PITPNC1: variants seen among roughly 807,000 people sequenced by gnomAD.
PITPNC1 encodes the protein phosphatidylinositol transfer protein cytoplasmic 1, also known as cytoplasmic phosphatidylinositol transfer protein 1.
Under a neutral mutation model 44.7 loss-of-function variants are expected in PITPNC1, and 18 were observed. The observed-to-expected ratio is 0.40, with a 90% CI of 0.28 to 0.60. The LOEUF is 0.60. Among genes scored for constraint, PITPNC1 ranks in the 20% least tolerant of loss-of-function variants. PITPNC1 has a pLI of 0.39. For missense variants in PITPNC1, 290 were observed against 418.4 expected (o/e 0.69, Z 2.68); for synonymous variants, 141 against 149.6 (o/e 0.94, Z 0.42).
intron 5 of PITPNC1, among the ~76,000 whole-genome samples, chr17:67,590,112 A>G (rs2041371101): frequency 6.6e-6 from 1 of 152,208 alleles, no homozygotes; most frequent in Non-Finnish European, 1.5e-5. Flanking sequence ...CTGGGAGTAT[A>G]CCTTTTTGAA....
At chr17:67,440,710 GA>G (rs1254431095) in intron 1 of PITPNC1, among the ~76,000 whole-genome samples, 10 of 148,548 alleles carry the variant, frequency 6.7e-5, no homozygotes, top group African/African-American at 1.2e-4. Flanking sequence ...TTTTTTTTTT[GA>G]AAAAAAATTT....
chr17:67,618,781 G>A (rs1450190944), intron 5 of PITPNC1, among the ~76,000 whole-genome samples: 12 of 151,540 alleles, frequency 7.9e-5, no homozygotes, highest in African/African-American at 1.5e-4. Context: ...AACACTGGCC[G>A]GGCGCGGTGG....
At chr17:67,428,893 T>C (rs1327001969) in intron 1 of PITPNC1, among the ~76,000 whole-genome samples, 3 of 130,468 alleles carry the variant, frequency 2.3e-5, no homozygotes, top group African/African-American at 8.6e-5. Context: ...CAGGCTAAAG[T>C]GCAGTGGTGT....
intron 5 of PITPNC1, among the ~76,000 whole-genome samples, chr17:67,583,304 T>C (rs1192216251): frequency 6.6e-6 from 1 of 152,046 alleles, no homozygotes; most frequent in Non-Finnish European, 1.5e-5. Context: ...TAAAATCACC[T>C]GGGCCAGGCG....
chr17:67,396,906 C>A (rs148629525), intron 1 of PITPNC1, among the ~76,000 whole-genome samples: 4,839 of 152,276 alleles, frequency 0.032, 250 homozygotes, highest in African/African-American at 0.11. Context: ...CCTCCTGCCT[C>A]ATCCTCCCAA....
In PITPNC1 at chr17:67,508,004, C is replaced by T. The variant is rs770044281; in HGVS notation, c.49-24798C>T. Among the ~76,000 whole-genome samples, 31 of 152,150 alleles carry T rather than the reference C, an allele frequency of 2.0e-4. No individual in the cohort carries two copies. Among genetic ancestry groups the T allele is most frequent in the Admixed American group, 3.3e-4 (5 of 15,272 alleles). On this transcript the variant is annotated intron_variant, in intron 1 of 8. Transcript: ENST00000581322. This position sits in a 1 kb window ranked among gnomAD's most constrained non-coding sequence, Gnocchi z 4.2. ...CATGTCCAGGCCACCTAGTTGTCCCCGGAATCCTTAACCTCACAGGAAGTT... is the reference window on the plus strand; with the variant it reads ...CATGTCCAGGCCACCTAGTTGTCCCTGGAATCCTTAACCTCACAGGAAGTT...
At chr17:67,481,940 G>A (rs1402301410) in intron 1 of PITPNC1, among the ~76,000 whole-genome samples, 1 of 152,188 alleles carries the variant, frequency 6.6e-6, no homozygotes, top group Non-Finnish European at 1.5e-5. Context: ...CATGGAATAA[G>A]GCTTAGATAA....
At chr17:67,460,921 TA>T (rs1337605636) in intron 1 of PITPNC1, among the ~76,000 whole-genome samples, 1 of 151,396 alleles carries the variant, frequency 6.6e-6, no homozygotes, top group Admixed American at 6.6e-5. Flanking sequence ...TTTATATTTT[TA>T]GTAGAGATGA....
chr17:67,569,115 G>GA (rs1281630472), intron 4 of PITPNC1, among the ~76,000 whole-genome samples: 3 of 143,800 alleles, frequency 2.1e-5, no homozygotes, highest in Non-Finnish European at 4.6e-5. Flanking sequence ...AGAAATAAGG[G>GA]CTGCCAGCAC....
At chr17:67,423,133 G>GT (rs2038695580) in intron 1 of PITPNC1, among the ~76,000 whole-genome samples, 1 of 152,296 alleles carries the variant, frequency 6.6e-6, no homozygotes, top group South Asian at 2.1e-4. Flanking sequence ...GGGAGTGTGA[G>GT]TCAGCACGTC....
At chr17:67,481,290 C>T (rs910126721) in intron 1 of PITPNC1, among the ~76,000 whole-genome samples, 13 of 152,342 alleles carry the variant, frequency 8.5e-5, no homozygotes, top group African/African-American at 3.1e-4. Context: ...CTTGCCGTCT[C>T]AAGGCCCTGG....
chr17:67,435,469 C>T (rs941594025), intron 1 of PITPNC1, among the ~76,000 whole-genome samples: 7 of 152,196 alleles, frequency 4.6e-5, no homozygotes, highest in Non-Finnish European at 7.3e-5. Context: ...GATGCAGGGA[C>T]ATAGCCACCA....
At chr17:67,559,045 G>T (rs938387507) in intron 4 of PITPNC1, among the ~76,000 whole-genome samples, 1 of 152,182 alleles carries the variant, frequency 6.6e-6, no homozygotes, top group African/African-American at 2.4e-5. Context: ...ATCTGGGATA[G>T]GAATTGCCCT....
rs73342228 is a variant in PITPNC1 at position 67,675,918 on chromosome 17, C to G, written c.682+376C>G. On this transcript the variant is annotated intron_variant, in intron 8 of 8. Transcript: ENST00000581322. The stretch of plus-strand genomic sequence containing the variant: ...CTTTGATTCAGACAACATTTGAAAC[C>G]ACCCCTTGCCGGGCGCAGTGGCTCA... Among the ~76,000 whole-genome samples, 901 of 152,252 alleles carry G rather than the reference C, an allele frequency of 5.9e-3. 12 individuals are homozygous for G. Among genetic ancestry groups the G allele is most frequent in the African/African-American group, 0.021 (862 of 41,558 alleles).
intron 1 of PITPNC1, among the ~76,000 whole-genome samples, chr17:67,395,958 T>G (rs2038214171): frequency 1.3e-5 from 2 of 152,232 alleles, no homozygotes; most frequent in South Asian, 2.1e-4. Flanking sequence ...AAGCATCATG[T>G]TCAAAATGAA....
At chr17:67,532,653 G>A (rs1348832292) in intron 1 of PITPNC1, 149 bp from the exon 2 acceptor site, 16 of 547,118 alleles carry the variant, frequency 2.9e-5, no homozygotes, top group South Asian at 8.7e-5. Flanking sequence ...CCTAGCTCCC[G>A]AGGAAAAGTA....
chr17:67,570,420 TG>T (rs2041037368), intron 4 of PITPNC1, among the ~76,000 whole-genome samples: 1 of 152,190 alleles, frequency 6.6e-6, no homozygotes, highest in African/African-American at 2.4e-5. Flanking sequence ...CTGCCTTCCT[TG>T]CCATGGGAAG....
rs1020246752 is a variant in PITPNC1 at position 67,676,772 on chromosome 17, T to C, written c.682+1230T>C. Among the ~76,000 whole-genome samples, 2 of 152,180 alleles carry C rather than the reference T, an allele frequency of 1.3e-5. No individual in the cohort carries two copies. The highest frequency in any genetic ancestry group is 4.8e-5 in the African/African-American group (2 of 41,458). ...TCATTATTATTAATATTGTTAGCTA[T>C]TTCTGAGCCACATTTAAAAGGCATG... On this transcript the variant is annotated intron_variant, in intron 8 of 8. Coordinates refer to ENST00000581322, the MANE Select transcript of PITPNC1 (RefSeq NM_012417.4). This position sits in a 1 kb window ranked among gnomAD's most constrained non-coding sequence, Gnocchi z 4.0.
rs530704384 is a variant in PITPNC1 at position 67,649,411 on chromosome 17, G to A, written c.462+17173G>A. On this transcript the variant is annotated intron_variant, in intron 6 of 8. Coordinates refer to ENST00000581322, the MANE Select transcript of PITPNC1 (RefSeq NM_012417.4). ...CATCCCCTTGGGCATTATTGAAAAT[G>A]CAGGTAATAGTGGGCTACTTTTAGT... 2.6e-5 allele frequency among the ~76,000 whole-genome samples: 4 copies of A among 152,374 alleles called. No individual in the cohort carries two copies. The East Asian group carries it at 5.8e-4, about 22-fold the overall frequency.
Sources: allele counts gnomAD v4.1 joint callset (sites outside exome capture counted in the v4.1 genomes callset), GRCh38; gene constraint gnomAD v4.1.1; non-coding constraint Gnocchi (gnomAD v3.1); transcripts MANE v1.5; gene names NCBI Gene and HGNC (gene_info 2026-07-23, HGNC 2026-07-21).